The following API5 variants were observed in gnomAD, a reference collection of about 807,000 sequenced individuals.
API5 encodes apoptosis inhibitor 5.
Under a neutral mutation model 71.9 loss-of-function variants are expected in API5, and 6 were observed. That is an observed-to-expected ratio of 0.08 (90% CI 0.05 to 0.16). API5 has a LOEUF of 0.16. Among genes scored for constraint, API5 ranks in the 10% least tolerant of loss-of-function variants. API5 has a pLI of 1.00. For synonymous variants in API5, 189 were observed against 221.3 expected (o/e 0.85, Z 1.30); for missense variants, 332 against 612.8 (o/e 0.54, Z 4.84).
At chr11:43,312,428 C>G (rs1292513489) in intron 1 of API5, among the ~76,000 whole-genome samples, 1 of 152,184 alleles carries the variant, frequency 6.6e-6, no homozygotes, top group African/African-American at 2.4e-5. Flanking sequence ...CTTGCCCAGC[C>G]TTTTCTCACC....
At chr11:43,323,661 C>T (rs780307879) in intron 6 of API5, 25 bp downstream of exon 6, 32 of 1,592,094 alleles carry the variant, frequency 2.0e-5, no homozygotes, top group Admixed American at 6.7e-5. Context: ...TTTACACACC[C>T]GGTATTAGCT....
intron 3 of API5, 99 bp downstream of exon 3, chr11:43,321,013 A>C (rs1854871036): frequency 5.6e-6 from 5 of 900,662 alleles, no homozygotes; most frequent in Non-Finnish European, 8.7e-6. Flanking sequence ...GGAGAGCTGG[A>C]GGTCCTACCT....
chr11:43,318,454 A>G (rs1201295638), intron 1 of API5, 186 bp from the exon 2 acceptor site: 1 of 1,534,832 alleles, frequency 6.5e-7, no homozygotes, highest in East Asian at 2.4e-5. Context: ...AAAATGAAAC[A>G]AAGATGGAGG....
chr11:43,325,108 GAAAA>G (rs934880721), intron 6 of API5, among the ~76,000 whole-genome samples: 5 of 136,226 alleles, frequency 3.7e-5, no homozygotes, highest in South Asian at 2.3e-4. Context: ...TATTATGAAA[GAAAA>G]AAAAAAAACT....
At chr11:43,335,167 C>T (rs762114252) in intron 11 of API5, 111 bp from the exon 12 acceptor site, 60 of 760,274 alleles carry the variant, frequency 7.9e-5, no homozygotes, top group East Asian at 1.0e-4. Flanking sequence ...TTGCAGTAAG[C>T]TCTGTCTCCT....
At chr11:43,318,505 A>G in intron 1 of API5, 135 bp from the exon 2 acceptor site, 1 of 1,542,036 alleles carries the variant, frequency 6.5e-7, no homozygotes, top group Non-Finnish European at 8.7e-7. Context: ...TTGAGCAGTA[A>G]ACCTCCCAAA....
At chr11:43,318,358 T>C in intron 1 of API5, 1 of 1,373,052 alleles carries the variant, frequency 7.3e-7, no homozygotes, top group South Asian at 1.3e-5. Context: ...GAGTTAATAA[T>C]CACTAGAATG....
chr11:43,316,033 C>T (rs1007413444), intron 1 of API5, among the ~76,000 whole-genome samples: 1 of 152,160 alleles, frequency 6.6e-6, no homozygotes, highest in African/African-American at 2.4e-5. Context: ...CTGATTCCTC[C>T]TGTTCTCTCA....
chr11:43,329,010 G>A (rs1162197876), intron 9 of API5, 117 bp downstream of exon 9: 6 of 1,024,806 alleles, frequency 5.9e-6, no homozygotes, highest in Admixed American at 2.5e-5. Flanking sequence ...CAGTGATACA[G>A]ATTGGAGGGT....
chr11:43,313,610 A>G (rs1854568699), intron 1 of API5, among the ~76,000 whole-genome samples: 1 of 151,964 alleles, frequency 6.6e-6, no homozygotes, highest in Non-Finnish European at 1.5e-5. Context: ...CATGTTGGAG[A>G]TTTATTGTAG....
At chr11:43,336,712 A>C (rs1242906133) in intron 13 of API5, among the ~76,000 whole-genome samples, 2 of 152,176 alleles carry the variant, frequency 1.3e-5, no homozygotes, top group Non-Finnish European at 2.9e-5. Flanking sequence ...ACCTTGCTTA[A>C]GAAGACAAAG....
chr11:43,339,188 G>A (rs1193451709), intron 13 of API5: 1 of 152,168 alleles, frequency 6.6e-6, no homozygotes, highest in Non-Finnish European at 1.5e-5. Context: ...CCAAACTGGG[G>A]AAAGGTCCAG....
intron 13 of API5, 165 bp downstream of exon 13, chr11:43,336,159 T>C: frequency 1.1e-6 from 1 of 910,374 alleles, no homozygotes; most frequent in Non-Finnish European, 1.6e-6. Flanking sequence ...ATCCCATTCC[T>C]CTCTCATTCA....
intron 6 of API5, among the ~76,000 whole-genome samples, chr11:43,325,097 A>G (rs1855024777): frequency 6.6e-6 from 1 of 152,036 alleles, no homozygotes; most frequent in Non-Finnish European, 1.5e-5. Context: ...TGGAAAATGC[A>G]TATTATGAAA....
intron 1 of API5, 64 bp downstream of exon 1, chr11:43,312,260 C>T: frequency 2.6e-6 from 4 of 1,541,978 alleles, no homozygotes; most frequent in Non-Finnish European, 2.7e-6. Context: ...AAGCGCTTCC[C>T]GCCGCACTCC....
At chr11:43,313,237 T>C (rs1854550556) in intron 1 of API5, among the ~76,000 whole-genome samples, 1 of 152,196 alleles carries the variant, frequency 6.6e-6, no homozygotes, top group Non-Finnish European at 1.5e-5. Flanking sequence ...GGAAGAGCTC[T>C]CTTAACGATG....
chr11:43,313,643 A>T (rs1447526742), intron 1 of API5, among the ~76,000 whole-genome samples: 1 of 152,192 alleles, frequency 6.6e-6, no homozygotes, highest in Non-Finnish European at 1.5e-5. Context: ...TTAAGAATAT[A>T]CCAGTTTGAA....
intron 13 of API5, 51 bp from the exon 14 acceptor site, chr11:43,342,377 T>G: frequency 6.7e-7 from 1 of 1,488,756 alleles, no homozygotes; most frequent in Non-Finnish European, 9.1e-7. Flanking sequence ...CTGCGTTTGC[T>G]GCACCATGAA....
chr11:43,326,024 T>C (rs1855060103), intron 6 of API5, among the ~76,000 whole-genome samples: 1 of 152,174 alleles, frequency 6.6e-6, no homozygotes, highest in African/African-American at 2.4e-5. Context: ...GGGACAATTT[T>C]TTAAGAGTTT....
Sources: allele counts gnomAD v4.1 joint callset (sites outside exome capture counted in the v4.1 genomes callset), GRCh38; gene constraint gnomAD v4.1.1; transcripts MANE v1.5; gene names NCBI Gene and HGNC (gene_info 2026-07-23, HGNC 2026-07-21).